The following ADCY4 variants were observed in gnomAD, a reference collection of about 807,000 sequenced individuals.
ADCY4 encodes the protein adenylate cyclase type 4.
A neutral mutation model predicts 125.5 loss-of-function variants in ADCY4; 111 were observed. The ratio of observed to expected loss-of-function variants is 0.88; its 90% CI spans 0.76 to 1.04. The LOEUF (loss-of-function observed/expected upper bound fraction) is 1.04, where lower values mean the gene tolerates loss of function less well. ADCY4 is among the 50% of genes least tolerant of loss of function. ADCY4 has a pLI of 0.00. For synonymous variants in ADCY4, 576 were observed against 586.9 expected (o/e 0.98, Z 0.27); for missense variants, 1,256 against 1,382.9 (o/e 0.91, Z 1.46).
chr14:24,323,538 A>G, intron 16 of ADCY4, 84 bp from the exon 17 acceptor site: 1 of 1,528,556 alleles, frequency 6.5e-7, no homozygotes, highest in Non-Finnish European at 8.8e-7. Flanking sequence ...TGACCCAGGG[A>G]TGAGTCAGGG....
chr14:24,322,878 C>T, intron 18 of ADCY4, 26 bp downstream of exon 18: 1 of 1,569,382 alleles, frequency 6.4e-7, no homozygotes, highest in Non-Finnish European at 8.6e-7. Flanking sequence ...GGGGGCCCGG[C>T]ACCTCTGTCC....
chr14:24,327,896 T>C (rs1328121606), intron 10 of ADCY4, among the ~76,000 whole-genome samples: 4 of 152,168 alleles, frequency 2.6e-5, no homozygotes, highest in Non-Finnish European at 4.4e-5. Context: ...ATACCAGATA[T>C]AGATCTTAGA....
rs1446046557 is a variant in ADCY4, at chr14:24,321,797, A to G, written c.2586+269T>C. On this transcript the variant is annotated intron_variant, in intron 20 of 24. Coordinates refer to ENST00000418030, the MANE Select transcript of ADCY4 (RefSeq NM_001198568.2). ...TGGGGGCTGGGGACCCCTGCTCCAGACAGCTCCCATCAACGCCTAGGCTTC... is the reference window on the plus strand; with the variant it reads ...TGGGGGCTGGGGACCCCTGCTCCAGGCAGCTCCCATCAACGCCTAGGCTTC... The G allele has an allele frequency of 2.6e-6, 3 of 1,168,194 alleles. No individual in the cohort carries two copies. The African/African-American group carries it at 4.7e-5, about 18-fold the overall frequency. The allele number at this position is 1,168,194 out of a possible 1,614,324, so 72.4% of individuals were successfully genotyped here.
rs970527936 is a variant in ADCY4 at position 24,329,654 on chromosome 14, T to C, written c.1218-121A>G. On this transcript the variant is annotated intron_variant, in intron 8 of 24. Transcript: ENST00000418030. ...TCTCATGTCTTTTAAAGATCGTTCC[T>C]GGATGTCTGACTTCAAGAAAGAGCC... 1.9e-5 allele frequency: 27 copies of C among 1,433,994 alleles called. No homozygotes were observed. The African/African-American group carries it at 3.7e-4, about 20-fold the overall frequency. The allele number at this position is 1,433,994 out of a possible 1,614,324, so 88.8% of individuals were successfully genotyped here. A position where few individuals can be genotyped will look rare whatever the true frequency, so the allele number is the denominator to read the frequency against.
chr14:24,325,308 C>G, intron 14 of ADCY4, 69 bp downstream of exon 14: 2 of 1,348,370 alleles, frequency 1.5e-6, no homozygotes, highest in Non-Finnish European at 2.1e-6. Flanking sequence ...GAAAGTGTGG[C>G]CCGGGGTCAT....
rs774868231 is a variant in ADCY4 at position 24,334,677 on chromosome 14, G to C, written c.-25C>G. ...TGATCTCCCCAGCCCCGAGCCCCGGGGCTGGCTAGGGCCGGGCGCCGGGTT... is the reference window on the plus strand; with the variant it reads ...TGATCTCCCCAGCCCCGAGCCCCGGCGCTGGCTAGGGCCGGGCGCCGGGTT... On this transcript the variant is annotated 5_prime_UTR_variant, in exon 1 of 25. Transcript: ENST00000418030. 40 of 1,490,700 alleles carry C rather than the reference G, an allele frequency of 2.7e-5. 1 individual carries two copies. Among genetic ancestry groups the C allele is most frequent in the South Asian group, 1.4e-4 (11 of 79,090 alleles). The allele number at this position is 1,490,700 out of a possible 1,614,324, so 92.3% of individuals were successfully genotyped here.
chr14:24,326,516 G>T, intron 10 of ADCY4, 174 bp from the exon 11 acceptor site: 1 of 723,016 alleles, frequency 1.4e-6, no homozygotes, highest in South Asian at 1.7e-5. Context: ...GCCCTTGAAG[G>T]GGAGGTTTGA....
At chr14:24,331,968 G>A (rs1202677499) in intron 3 of ADCY4, 31 bp from the exon 4 acceptor site, 25 of 1,518,536 alleles carry the variant, frequency 1.6e-5, no homozygotes, top group Non-Finnish European at 2.0e-5. Context: ...CAGAGGGCGC[G>A]GGACCCGGGT....
In ADCY4 at chr14:24,329,547, G is replaced by A. The variant is rs2042007198; in HGVS notation, c.1218-14C>T. The A allele has an allele frequency of 6.6e-7, 1 of 1,513,162 alleles. No individual in the cohort carries two copies. The highest frequency in any genetic ancestry group is 8.8e-7 in the Non-Finnish European group (1 of 1,132,206). 93.7% of individuals were successfully genotyped at this position (1,513,162 alleles called of 1,614,324 possible). ...ATGTGCACTCGCCTGGAAGGAGGGA[G>A]GCAGTAGGGGTCAGCAGGGAGGGCC... On this transcript the variant is annotated splice_polypyrimidine_tract_variant and intron_variant, in intron 8 of 24. Transcript: ENST00000418030.
At position 24,324,076 on chromosome 14, in the gene ADCY4, C is replaced by A; in HGVS notation, c.2032G>T (p.Ala678Ser). ...TCTGTCCTCACCAGGCTGGTAATGG[C>A]CATGGCAAAGACAAGGAGGATGGTG... The part of the protein sequence containing the change: ...TATILLVFAM[A>S]ITSLFFFPTS... Residue 678 changes from alanine to serine, a missense_variant, in exon 16 of 25, where the codon GCC becomes TCC. Physicochemically the swap from Ala to Ser is moderately conservative, Grantham distance 99. Coordinates refer to ENST00000418030, the MANE Select transcript of ADCY4 (RefSeq NM_001198568.2). 6.2e-7 allele frequency: 1 copy of A among 1,614,154 alleles called. No individual in the cohort carries two copies. Among genetic ancestry groups the A allele is most frequent in the East Asian group, 2.2e-5 (1 of 44,882 alleles).
chr14:24,334,668 G>T lies in ADCY4; in HGVS notation c.-16C>A. 1 of 1,526,696 alleles carries T rather than the reference G, an allele frequency of 6.6e-7. No homozygotes were observed. The highest frequency in any genetic ancestry group is 8.8e-7 in the Non-Finnish European group (1 of 1,139,526). The allele number at this position is 1,526,696 out of a possible 1,614,324, so 94.6% of individuals were successfully genotyped here. Reference sequence around the variant, plus strand: ...GGCGGGCCATGATCTCCCCAGCCCCGAGCCCCGGGGCTGGCTAGGGCCGGG... The same window carrying T: ...GGCGGGCCATGATCTCCCCAGCCCCTAGCCCCGGGGCTGGCTAGGGCCGGG... On this transcript the variant is annotated 5_prime_UTR_variant, in exon 1 of 25. Coordinates refer to ENST00000418030, the MANE Select transcript of ADCY4 (RefSeq NM_001198568.2).
chr14:24,329,988 G>T lies in ADCY4; in HGVS notation c.1089C>A (p.Ile363=), dbSNP rs532118128. Residue 363 remains isoleucine, a synonymous_variant, in exon 8 of 25, where the codon ATC becomes ATA. Coordinates refer to ENST00000418030, the MANE Select transcript of ADCY4 (RefSeq NM_001198568.2). The part of the protein sequence containing the change: ...RKLRAATGVD[I]NMRVGVHSGS... The stretch of plus-strand genomic sequence containing the variant: ...CTGAGTGCACGCCCACACGCATGTT[G>T]ATGTCCACGCCAGTGGCTGCCCGCA... 2 of 1,614,086 alleles carry T rather than the reference G, an allele frequency of 1.2e-6. No individual in the cohort carries two copies. The highest frequency in any genetic ancestry group is 4.5e-5 in the East Asian group (2 of 44,878).
rs2042106501 is a variant in ADCY4, at chr14:24,334,698, G to A, written c.-46C>T. ...CCGGGGCTGGCTAGGGCCGGGCGCCGGGTTACCTCCTTCGGCCCGGCGGGC... is the reference window on the plus strand; with the variant it reads ...CCGGGGCTGGCTAGGGCCGGGCGCCAGGTTACCTCCTTCGGCCCGGCGGGC... On this transcript the variant is annotated 5_prime_UTR_variant, in exon 1 of 25. Coordinates refer to ENST00000418030, the MANE Select transcript of ADCY4 (RefSeq NM_001198568.2). 2.1e-6 allele frequency: 3 copies of A among 1,435,464 alleles called. No homozygotes were observed. The highest frequency in any genetic ancestry group is 2.9e-5 in the African/African-American group (2 of 68,150). The allele number at this position is 1,435,464 out of a possible 1,614,324, so 88.9% of individuals were successfully genotyped here.
In ADCY4 at chr14:24,319,467, C is replaced by A; in HGVS notation, c.2734-31G>T. The A allele has an allele frequency of 6.3e-7, 1 of 1,597,434 alleles. No homozygotes were observed. The highest frequency in any genetic ancestry group is 2.2e-5 in the East Asian group (1 of 44,762). ...TATAGAGAAGAGTCCTGTCCCCAGT[C>A]TCTCTTACTCTCTCCATCACCTCTC... On this transcript the variant is annotated intron_variant, in intron 21 of 24. Coordinates refer to ENST00000418030, the MANE Select transcript of ADCY4 (RefSeq NM_001198568.2). The surrounding 1 kb of genome is among the most constrained non-coding windows in gnomAD (Gnocchi z 4.5).
In ADCY4 at chr14:24,334,872, T is replaced by C; in HGVS notation, c.-220A>G. 1.9e-6 allele frequency: 1 copy of C among 525,074 alleles called. No homozygotes were observed. The highest frequency in any genetic ancestry group is 3.3e-6 in the Non-Finnish European group (1 of 298,892). The allele number at this position is 525,074 out of a possible 1,614,324, so 32.5% of individuals were successfully genotyped here. A position where few individuals can be genotyped will look rare whatever the true frequency, so the allele number is the denominator to read the frequency against. The stretch of plus-strand genomic sequence containing the variant: ...AGGGGATCCCTCAGTCCTTTCCTCC[T>C]CCTCCCTCAAACCCGGATTGTAGAG... On this transcript the variant is annotated 5_prime_UTR_variant, in exon 1 of 25. Coordinates refer to ENST00000418030, the MANE Select transcript of ADCY4 (RefSeq NM_001198568.2).
chr14:24,333,362 A>G (rs1186309643), intron 1 of ADCY4, among the ~76,000 whole-genome samples: 1 of 151,014 alleles, frequency 6.6e-6, no homozygotes, highest in Non-Finnish European at 1.5e-5. Context: ...CTGGGATTAC[A>G]GGCTCCCGCC....
Position 24,331,449 on chromosome 14 carries a change from C to T in ADCY4, c.670-93G>A. On this transcript the variant is annotated intron_variant, in intron 4 of 24. Transcript: ENST00000418030. ...CACTCAGGAGCCCACACTGCCCATC[C>T]TAGGTGCTCCCCAGGGTGCTCCCCC... is the stretch of plus-strand genomic sequence containing the variant. 1.9e-6 allele frequency: 3 copies of T among 1,546,630 alleles called. No individual in the cohort carries two copies. In the South Asian group the frequency reaches 3.6e-5, roughly 18 times the overall value.
chr14:24,332,237 CTTTTT>C, intron 3 of ADCY4: 1 of 394,350 alleles, frequency 2.5e-6, no homozygotes, highest in Non-Finnish European at 4.4e-6. Flanking sequence ...TCGCACAAAA[CTTTTT>C]TTTTTTTTTT....
chr14:24,321,798 C>T, intron 20 of ADCY4: 2 of 1,169,548 alleles, frequency 1.7e-6, no homozygotes, highest in Non-Finnish European at 2.1e-6. Flanking sequence ...CTGCTCCAGA[C>T]AGCTCCCATC....
Sources: gnomAD v4.1 joint callset for allele counts (sites outside exome capture counted in the v4.1 genomes callset) on GRCh38, gnomAD v4.1.1 for gene constraint, Gnocchi (gnomAD v3.1) non-coding constraint, MANE v1.5 for transcripts, NCBI Gene and HGNC (gene_info 2026-07-23, HGNC 2026-07-21) for gene names.